The following GNG7 variants were observed in gnomAD, a reference collection of about 807,000 sequenced individuals.
GNG7 encodes guanine nucleotide-binding protein G(I)/G(S)/G(O) subunit gamma-7.
In GNG7, 1 loss-of-function variant was observed where a neutral mutation model predicts 4.0. The ratio of observed to expected loss-of-function variants is 0.25; its 90% CI spans 0.09 to 1.18. The LOEUF (loss-of-function observed/expected upper bound fraction) is 1.18. Ranked by LOEUF, GNG7 falls within the 50% of genes most tolerant of loss-of-function variation. The pLI is 0.50. For missense variants in GNG7, 86 were observed against 91.9 expected, an observed-to-expected ratio of 0.94 and a Z score of 0.26; for synonymous variants, 34 against 36.9, an observed-to-expected ratio of 0.92 and a Z score of 0.29.
intron 2 of GNG7, among the ~76,000 whole-genome samples, chr19:2,577,765 G>C (rs1363487867): frequency 6.7e-6 from 1 of 149,562 alleles, no homozygotes; most frequent in African/African-American, 2.5e-5. Context: ...GTAAGCATTT[G>C]CTACATATTT....
intron 2 of GNG7, among the ~76,000 whole-genome samples, chr19:2,612,060 A>G (rs1352087876): frequency 6.6e-6 from 1 of 151,996 alleles, no homozygotes; most frequent in East Asian, 1.9e-4. Flanking sequence ...TTTTTAGTAG[A>G]GACCGGGTTT....
intron 3 of GNG7, among the ~76,000 whole-genome samples, chr19:2,554,227 G>A (rs574765326): frequency 6.8e-5 from 10 of 146,322 alleles, no homozygotes; most frequent in South Asian, 4.3e-4. Context: ...GTTGCCCAGC[G>A]TGGAGTCCCA....
intron 2 of GNG7, chr19:2,642,771 G>T (rs954013886): frequency 1.8e-5 from 8 of 456,576 alleles, no homozygotes; most frequent in African/African-American, 1.6e-4. Flanking sequence ...TGGGATTACA[G>T]GCGTGAGCCA....
At position 2,696,175 on chromosome 19, in the gene GNG7, AAGAG is replaced by A. The variant is rs1013224823; in HGVS notation, c.-135+6467_-135+6470del. ...CCGTCAAAAAAAAAGAAAAGAGAGA[AAGAG>A]AGAGAGGAGAGAGAGGGGAGAGAGG... is the stretch of plus-strand genomic sequence containing the variant. On this transcript the variant is annotated intron_variant, in intron 1 of 4. Coordinates refer to ENST00000382159, the MANE Select transcript of GNG7 (RefSeq NM_052847.3). Among the ~76,000 whole-genome samples the A allele has an allele frequency of 2.5e-3, 365 of 147,958 alleles. 3 individuals carry two copies. The highest frequency in any genetic ancestry group is 8.7e-3 in the African/African-American group (350 of 40,358).
At chr19:2,640,258 G>GGA (rs560240248) in intron 2 of GNG7, among the ~76,000 whole-genome samples, 136 of 151,592 alleles carry the variant, frequency 9.0e-4, no homozygotes, top group Non-Finnish European at 1.7e-3. Flanking sequence ...GAGGAAGGAA[G>GGA]GAGAGAGAGA....
At chr19:2,583,486 G>A (rs561073063) in intron 2 of GNG7, among the ~76,000 whole-genome samples, 85 of 152,266 alleles carry the variant, frequency 5.6e-4, no homozygotes, top group South Asian at 5.4e-3. Context: ...AGCTTTGCCC[G>A]CCCCAGCCCA....
intron 1 of GNG7, among the ~76,000 whole-genome samples, chr19:2,682,931 C>A (rs1443177101): frequency 2.0e-5 from 3 of 151,938 alleles, no homozygotes; most frequent in Non-Finnish European, 4.4e-5. Context: ...CCATCCTGGG[C>A]TCACTGAATA....
intron 2 of GNG7, among the ~76,000 whole-genome samples, chr19:2,630,215 C>T (rs990460106): frequency 2.6e-5 from 4 of 152,010 alleles, no homozygotes; most frequent in Non-Finnish European, 5.9e-5. Context: ...TGGCTGAGGC[C>T]GAACGCAGGC....
intron 1 of GNG7, among the ~76,000 whole-genome samples, chr19:2,678,361 TATAGTAGG>T (rs1983646393): frequency 1.3e-5 from 2 of 152,110 alleles, no homozygotes; most frequent in Admixed American, 6.5e-5. Context: ...TTTTCTGAAA[TATAGTAGG>T]TATTGTGGCA....
intron 3 of GNG7, among the ~76,000 whole-genome samples, chr19:2,530,549 C>T (rs540252275): frequency 2.7e-5 from 4 of 150,818 alleles, no homozygotes; most frequent in South Asian, 2.1e-4. Flanking sequence ...GGTGAAACCC[C>T]GTCTCTATTA....
At chr19:2,602,897 T>TTC (rs1555697040) in intron 2 of GNG7, among the ~76,000 whole-genome samples, 26 of 103,304 alleles carry the variant, frequency 2.5e-4, no homozygotes, top group Non-Finnish European at 3.1e-4. Flanking sequence ...CTTTTTCTCT[T>TTC]TTTCTTTCTT....
chr19:2,672,347 G>T (rs1983476505), intron 1 of GNG7, among the ~76,000 whole-genome samples: 1 of 151,898 alleles, frequency 6.6e-6, no homozygotes, highest in African/African-American at 2.4e-5. Flanking sequence ...GTAGAGATGG[G>T]GTCTCACTGT....
rs1333106430 is a variant in GNG7 at position 2,512,700 on chromosome 19, C to G, written c.*2322G>C. The G allele has an allele frequency of 5.6e-6, 1 of 177,030 alleles. No individual in the cohort carries two copies. The highest frequency in any genetic ancestry group is 1.1e-5 in the Non-Finnish European group (1 of 90,844). 11.0% of individuals were successfully genotyped at this position (177,030 alleles called of 1,614,324 possible). On this transcript the variant is annotated 3_prime_UTR_variant, in exon 5 of 5. Coordinates refer to ENST00000382159, the MANE Select transcript of GNG7 (RefSeq NM_052847.3). This position sits in a 1 kb window ranked among gnomAD's most constrained non-coding sequence, Gnocchi z 4.7. ...GCCGGGCTTGGCACAGCTGTGCCCC[C>G]TCCTCCCTCTGCCCTGGCAGCGGGG...
chr19:2,576,077 GCAGACACACACA>G (rs149967028), intron 2 of GNG7, among the ~76,000 whole-genome samples: 44,627 of 143,764 alleles, frequency 0.31, 9,959 homozygotes, highest in African/African-American at 0.62. Context: ...ACGCAGACAT[GCAGACACACACA>G]CAGACACACA....
At position 2,611,755 on chromosome 19, in the gene GNG7, G is replaced by C. The variant is rs537103752; in HGVS notation, c.-78+34469C>G. 127 of 152,330 alleles carry C rather than the reference G, an allele frequency of 8.3e-4. No homozygotes were observed. The highest frequency in any genetic ancestry group is 2.9e-3 in the African/African-American group (121 of 41,582). The allele number at this position is 152,330 out of a possible 1,614,324, so 9.4% of individuals were successfully genotyped here. Reference sequence around the variant, plus strand: ...GGAGACCGAGGCAGGAGAATCGCTCGAACCGGGGAGGTGGAGGCTGCACTG... The same window carrying C: ...GGAGACCGAGGCAGGAGAATCGCTCCAACCGGGGAGGTGGAGGCTGCACTG... On this transcript the variant is annotated intron_variant, in intron 2 of 4. Coordinates refer to ENST00000382159, the MANE Select transcript of GNG7 (RefSeq NM_052847.3). This position sits in a 1 kb window ranked among gnomAD's most constrained non-coding sequence, Gnocchi z 6.0.
chr19:2,521,744 G>A (rs986036209), intron 3 of GNG7, among the ~76,000 whole-genome samples: 3 of 151,176 alleles, frequency 2.0e-5, no homozygotes, highest in African/African-American at 7.3e-5. Flanking sequence ...CTCCCGAGTA[G>A]CTGGGATTAC....
intron 2 of GNG7, among the ~76,000 whole-genome samples, chr19:2,583,321 A>C (rs1980556607): frequency 6.6e-6 from 1 of 152,188 alleles, no homozygotes; most frequent in Admixed American, 6.5e-5. Context: ...ACTTTTGTAA[A>C]CATAAAGTTG....
chr19:2,575,848 GACAC>G (rs1568250004), intron 2 of GNG7, among the ~76,000 whole-genome samples: 13 of 109,930 alleles, frequency 1.2e-4, no homozygotes, highest in African/African-American at 4.0e-4. Flanking sequence ...GGCACACGCA[GACAC>G]GCAGGCACAC....
chr19:2,518,512 G>A (rs902746014), intron 4 of GNG7, among the ~76,000 whole-genome samples: 7 of 152,192 alleles, frequency 4.6e-5, no homozygotes, highest in East Asian at 1.9e-4. Context: ...CAGCAGCAGC[G>A]TGATGGGGTC....
Sources: gnomAD v4.1 joint callset for allele counts (sites outside exome capture counted in the v4.1 genomes callset) on GRCh38, gnomAD v4.1.1 for gene constraint, Gnocchi (gnomAD v3.1) non-coding constraint, MANE v1.5 for transcripts, NCBI Gene and HGNC (gene_info 2026-07-23, HGNC 2026-07-21) for gene names.